PI4KA: variants seen among roughly 807,000 people sequenced by gnomAD.
The protein encoded by PI4KA is phosphatidylinositol 4-kinase alpha.
Under a neutral mutation model 271.4 loss-of-function variants are expected in PI4KA, and 122 were observed. The observed-to-expected ratio is 0.45, with a 90% CI of 0.39 to 0.52. PI4KA has a LOEUF of 0.52. Among genes scored for constraint, PI4KA ranks in the 20% least tolerant of loss-of-function variants. PI4KA has a pLI of 0.00. For missense variants in PI4KA, 1,969 were observed against 2,769.1 expected (o/e 0.71, Z 6.48); for synonymous variants, 1,041 against 1,078.8 (o/e 0.96, Z 0.69).
chr22:20,795,193 TC>T lies in PI4KA; in HGVS notation c.2277+952del, dbSNP rs139099229. Among the ~76,000 whole-genome samples, 313 of 152,300 alleles carry T rather than the reference TC, an allele frequency of 2.1e-3. 2 individuals are homozygous for T. The East Asian group carries it at 0.027, about 13-fold the overall frequency. On this transcript the variant is annotated intron_variant, in intron 18 of 54. Coordinates refer to ENST00000255882, the MANE Select transcript of PI4KA (RefSeq NM_058004.4). Reference sequence around the variant, plus strand: ...AGTACCCCCGACTTTTTCTTTTTTTTCCTTTTTGCCTTTATTAAATGCCTAA... The same window carrying T: ...AGTACCCCCGACTTTTTCTTTTTTTTCTTTTTGCCTTTATTAAATGCCTAA...
At chr22:20,801,707 A>G (rs912960601) in intron 14 of PI4KA, among the ~76,000 whole-genome samples, 2 of 151,774 alleles carry the variant, frequency 1.3e-5, no homozygotes, top group East Asian at 3.9e-4. Context: ...AACGTGGTGC[A>G]ACCCCATCTC....
At chr22:20,758,375 A>AC (rs1254236509) in intron 23 of PI4KA, among the ~76,000 whole-genome samples, 16 of 147,730 alleles carry the variant, frequency 1.1e-4, no homozygotes. Flanking sequence ...AAAAAAAAAA[A>AC]AAAAAAAAAA....
intron 1 of PI4KA, among the ~76,000 whole-genome samples, chr22:20,849,096 C>G (rs1487003948): frequency 6.6e-6 from 1 of 152,170 alleles, no homozygotes; most frequent in Non-Finnish European, 1.5e-5. Flanking sequence ...TAGGCTGGCT[C>G]AACATCATTA....
At chr22:20,764,533 G>A (rs1378413794) in intron 22 of PI4KA, 15 of 342,432 alleles carry the variant, frequency 4.4e-5, no homozygotes, top group African/African-American at 6.4e-5. Context: ...CGCTCAGTCC[G>A]TGGGCTGAGT....
chr22:20,764,669 A>C, intron 22 of PI4KA, 148 bp downstream of exon 22: 1 of 735,948 alleles, frequency 1.4e-6, no homozygotes, highest in Non-Finnish European at 2.1e-6. Flanking sequence ...GGCATACGAG[A>C]AAAGTAGAGG....
intron 13 of PI4KA, among the ~76,000 whole-genome samples, chr22:20,802,811 C>T (rs1310764791): frequency 6.6e-6 from 1 of 152,208 alleles, no homozygotes; most frequent in Admixed American, 6.5e-5. Context: ...GACACTAGCA[C>T]ACAGCAGGTG....
chr22:20,727,544 GA>G, intron 40 of PI4KA, 147 bp from the exon 41 acceptor site: 1 of 790,264 alleles, frequency 1.3e-6, no homozygotes. Context: ...ATGTGTTATG[GA>G]AAACAACGTA....
chr22:20,738,968 C>T lies in PI4KA; in HGVS notation c.3741+3260G>A, dbSNP rs528005202. Among the ~76,000 whole-genome samples, 67 of 146,448 alleles carry T rather than the reference C, an allele frequency of 4.6e-4. 1 individual carries two copies. The highest frequency in any genetic ancestry group is 1.7e-3 in the African/African-American group (65 of 39,196). On this transcript the variant is annotated intron_variant, in intron 32 of 54. Coordinates refer to ENST00000255882, the MANE Select transcript of PI4KA (RefSeq NM_058004.4). ...CTGTAATCCCAGCACTTGGGGAGGC[C>T]GAGGCAGGCGGATCACAAGGTCAGG... is the stretch of plus-strand genomic sequence containing the variant.
intron 36 of PI4KA, among the ~76,000 whole-genome samples, chr22:20,731,479 T>C (rs1372278009): frequency 6.6e-6 from 1 of 152,122 alleles, no homozygotes; most frequent in Non-Finnish European, 1.5e-5. Flanking sequence ...ATCCCAGCAC[T>C]TTAGGAGGCT....
At chr22:20,769,627 CCACTG>C (rs1932785920) in intron 19 of PI4KA, among the ~76,000 whole-genome samples, 1 of 151,196 alleles carries the variant, frequency 6.6e-6, no homozygotes, top group African/African-American at 2.4e-5. Context: ...CAAGATTGCG[CCACTG>C]CACTGCAGCC....
At chr22:20,833,350 T>C (rs899542729) in intron 3 of PI4KA, among the ~76,000 whole-genome samples, 3 of 152,180 alleles carry the variant, frequency 2.0e-5, no homozygotes, top group African/African-American at 4.8e-5. Flanking sequence ...GGCAGCCTAT[T>C]TGCTTGTGAC....
At chr22:20,740,061 CA>C (rs59323542) in intron 32 of PI4KA, among the ~76,000 whole-genome samples, 265 of 73,346 alleles carry the variant, frequency 3.6e-3, no homozygotes, top group Middle Eastern at 0.01. Context: ...GACCCCATCT[CA>C]AAAAAAAAAA....
intron 14 of PI4KA, among the ~76,000 whole-genome samples, chr22:20,801,085 T>G (rs1224254133): frequency 6.9e-6 from 1 of 145,390 alleles, no homozygotes; most frequent in African/African-American, 2.5e-5. Flanking sequence ...AGAGACAGGG[T>G]TTCACCATAT....
intron 5 of PI4KA, 21 bp downstream of exon 5, chr22:20,820,518 A>C: frequency 6.5e-7 from 1 of 1,539,308 alleles, no homozygotes; most frequent in South Asian, 1.2e-5. Context: ...ATTTTAAGAA[A>C]AACCTTAAGG....
rs1328553593 is a variant in PI4KA, at chr22:20,744,732, T to TC, written c.3364-13_3364-12insG. ...CTCAGCTGAGTTGCCTACAGACAGATAACCATTATTGTAGACTATGGCAGC... is the reference window on the plus strand; with the variant it reads ...CTCAGCTGAGTTGCCTACAGACAGATCAACCATTATTGTAGACTATGGCAGC... On this transcript the variant is annotated splice_polypyrimidine_tract_variant and intron_variant, in intron 29 of 54. Transcript: ENST00000255882. The TC allele has an allele frequency of 6.2e-7, 1 of 1,607,718 alleles. No individual in the cohort carries two copies. The highest frequency in any genetic ancestry group is 1.3e-5 in the African/African-American group (1 of 74,824).
intron 17 of PI4KA, 177 bp downstream of exon 17, chr22:20,798,407 T>A: frequency 1.7e-6 from 1 of 589,478 alleles, no homozygotes; most frequent in South Asian, 2.0e-5. Flanking sequence ...TGCTCAGTGG[T>A]CACCTCCAGG....
rs943094579 is a variant in PI4KA at position 20,733,637 on chromosome 22, T to C, written c.4160+99A>G. 1.7e-5 allele frequency: 27 copies of C among 1,596,438 alleles called. No homozygotes were observed. The African/African-American group carries it at 2.8e-4, about 17-fold the overall frequency. On this transcript the variant is annotated intron_variant, in intron 35 of 54. Coordinates refer to ENST00000255882, the MANE Select transcript of PI4KA (RefSeq NM_058004.4). ...GTTGGTGAGCACAACTGGGCAACTG[T>C]GTATTCCTGTGAGTGACTTCCTGGG...
chr22:20,720,302 T>G (rs1926582540), intron 43 of PI4KA, among the ~76,000 whole-genome samples: 1 of 152,178 alleles, frequency 6.6e-6, no homozygotes, highest in African/African-American at 2.4e-5. Context: ...GCGATCCTCC[T>G]GCCTTGGCCT....
chr22:20,726,457 G>T, intron 42 of PI4KA, 31 bp downstream of exon 42: 1 of 1,525,714 alleles, frequency 6.6e-7, no homozygotes, highest in East Asian at 2.6e-5. Flanking sequence ...CTCTGTGAGT[G>T]AAGAGGACGG....
Sources: allele counts gnomAD v4.1 joint callset (sites outside exome capture counted in the v4.1 genomes callset), GRCh38; gene constraint gnomAD v4.1.1; transcripts MANE v1.5; gene names NCBI Gene and HGNC (gene_info 2026-07-23, HGNC 2026-07-21).